TNFAIP8: variants seen among roughly 807,000 people sequenced by gnomAD.
The protein encoded by TNFAIP8 is tumor necrosis factor alpha-induced protein 8.
Under a neutral mutation model 13.3 loss-of-function variants are expected in TNFAIP8, and 7 were observed. That is an observed-to-expected ratio of 0.52 (90% CI 0.30 to 0.99). The LOEUF (loss-of-function observed/expected upper bound fraction) is 0.99. Ranked by LOEUF, TNFAIP8 falls within the 50% of genes least tolerant of loss-of-function variation. The probability of loss-of-function intolerance (pLI) is 0.07; values close to 1 mark genes in which losing one functional copy is unlikely to be tolerated. For synonymous variants in TNFAIP8, 94 were observed against 87.6 expected, an observed-to-expected ratio of 1.07 and a Z score of -0.41; for missense variants, 258 against 236.9, an observed-to-expected ratio of 1.09 and a Z score of -0.58.
At chr5:119,350,080 T>C (rs905039699) in intron 1 of TNFAIP8, among the ~76,000 whole-genome samples, 3 of 152,226 alleles carry the variant, frequency 2.0e-5, no homozygotes, top group Non-Finnish European at 2.9e-5. Flanking sequence ...AGGGGGCTAA[T>C]TTGGGAGTCT....
At chr5:119,284,963 T>G (rs1432808136) in intron 1 of TNFAIP8, among the ~76,000 whole-genome samples, 2 of 152,168 alleles carry the variant, frequency 1.3e-5, no homozygotes, top group Non-Finnish European at 2.9e-5. Context: ...AAAAATAACG[T>G]TTTTGAATTT....
intron 1 of TNFAIP8, among the ~76,000 whole-genome samples, chr5:119,286,800 T>C (rs1748812784): frequency 6.6e-6 from 1 of 152,172 alleles, no homozygotes; most frequent in Admixed American, 6.5e-5. Flanking sequence ...TGTATGCAAC[T>C]TCCTCTAGCC....
intron 1 of TNFAIP8, among the ~76,000 whole-genome samples, chr5:119,299,437 C>T (rs1283223786): frequency 1.3e-5 from 2 of 152,118 alleles, no homozygotes; most frequent in South Asian, 2.1e-4. Context: ...TCGTGAACCG[C>T]GAATGCTGCT....
chr5:119,392,757 G>T (rs982861738), intron 1 of TNFAIP8, 59 bp from the exon 2 acceptor site: 3 of 1,461,788 alleles, frequency 2.1e-6, no homozygotes, highest in Admixed American at 2.7e-5. Context: ...TTTTTAGTTC[G>T]CTTCACTTGC....
At chr5:119,312,871 G>A (rs972524581) in intron 1 of TNFAIP8, among the ~76,000 whole-genome samples, 1 of 151,974 alleles carries the variant, frequency 6.6e-6, no homozygotes, top group African/African-American at 2.4e-5. Flanking sequence ...AGGCAAATGT[G>A]GTAATTAAAA....
At chr5:119,315,486 A>G (rs1749865696) in intron 1 of TNFAIP8, among the ~76,000 whole-genome samples, 1 of 152,228 alleles carries the variant, frequency 6.6e-6, no homozygotes, top group Admixed American at 6.5e-5. Context: ...AAAAAACAAC[A>G]GACAATGTGT....
intron 1 of TNFAIP8, among the ~76,000 whole-genome samples, chr5:119,299,111 A>C (rs1277038378): frequency 6.6e-6 from 1 of 152,210 alleles, no homozygotes; most frequent in African/African-American, 2.4e-5. Context: ...TCAACTCATC[A>C]AAGTCATTCT....
chr5:119,326,566 G>A (rs1273357619), intron 1 of TNFAIP8, among the ~76,000 whole-genome samples: 1 of 152,220 alleles, frequency 6.6e-6, no homozygotes, highest in African/African-American at 2.4e-5. Flanking sequence ...CTCCTCATCA[G>A]AGGGTAACAT....
intron 1 of TNFAIP8, among the ~76,000 whole-genome samples, chr5:119,317,148 A>G (rs1188574804): frequency 6.6e-6 from 1 of 152,216 alleles, no homozygotes; most frequent in Non-Finnish European, 1.5e-5. Context: ...GTCTGCCATC[A>G]TGGAGGCCTG....
intron 1 of TNFAIP8, among the ~76,000 whole-genome samples, chr5:119,271,033 A>G (rs1748278458): frequency 6.6e-6 from 1 of 152,168 alleles, no homozygotes; most frequent in Admixed American, 6.5e-5. Context: ...ATTTCAGACT[A>G]TATTGCTAGA....
intron 1 of TNFAIP8, chr5:119,391,236 C>G: frequency 1.8e-6 from 1 of 545,302 alleles, no homozygotes; most frequent in Admixed American, 2.9e-5. Flanking sequence ...TTTTTGCTTC[C>G]TAATGATGCT....
intron 1 of TNFAIP8, among the ~76,000 whole-genome samples, chr5:119,274,245 C>G (rs550051960): frequency 6.6e-6 from 1 of 152,190 alleles, no homozygotes; most frequent in African/African-American, 2.4e-5. Context: ...GGCAACAGTG[C>G]AAGTTTCAGA....
At chr5:119,283,532 C>A (rs1421030900) in intron 1 of TNFAIP8, among the ~76,000 whole-genome samples, 1 of 152,156 alleles carries the variant, frequency 6.6e-6, no homozygotes, top group Non-Finnish European at 1.5e-5. Flanking sequence ...TAGGTGATCT[C>A]TTATTGCAGG....
At chr5:119,309,602 G>C (rs1201724696) in intron 1 of TNFAIP8, among the ~76,000 whole-genome samples, 1 of 152,156 alleles carries the variant, frequency 6.6e-6, no homozygotes, top group Non-Finnish European at 1.5e-5. Context: ...AGAAGAGCAG[G>C]GTGGGTAGTT....
intron 1 of TNFAIP8, among the ~76,000 whole-genome samples, chr5:119,349,382 T>C (rs1751035774): frequency 6.6e-6 from 1 of 152,252 alleles, no homozygotes; most frequent in African/African-American, 2.4e-5. Flanking sequence ...GTTAAATAAG[T>C]GACTTCATTC....
At chr5:119,295,618 T>C (rs1008657586) in intron 1 of TNFAIP8, among the ~76,000 whole-genome samples, 8 of 152,122 alleles carry the variant, frequency 5.3e-5, no homozygotes, top group South Asian at 2.1e-4. Context: ...TGCGGGCTCT[T>C]TTTTGGTTCC....
chr5:119,320,778 A>G (rs1750030504), intron 1 of TNFAIP8, among the ~76,000 whole-genome samples: 2 of 141,688 alleles, frequency 1.4e-5, no homozygotes, highest in African/African-American at 5.4e-5. Context: ...TTTTTCTCCT[A>G]CCTGAATAAC....
chr5:119,296,689 T>C lies in TNFAIP8; in HGVS notation c.1+27782T>C, dbSNP rs1278205426. 2.0e-5 allele frequency among the ~76,000 whole-genome samples: 3 copies of C among 152,218 alleles called. No individual in the cohort carries two copies. The East Asian group carries it at 5.8e-4, about 29-fold the overall frequency. On this transcript the variant is annotated intron_variant, in intron 1 of 1. Transcript: ENST00000274456. The stretch of plus-strand genomic sequence containing the variant: ...TCTTTTTCTATTGATTGGAATAGCT[T>C]CAGAAGGAATGGTACCAGTTCCTCC...
At chr5:119,389,353 A>G (rs1752804982) in intron 1 of TNFAIP8, among the ~76,000 whole-genome samples, 1 of 152,176 alleles carries the variant, frequency 6.6e-6, no homozygotes, top group Admixed American at 6.6e-5. Flanking sequence ...AGTTATGGCT[A>G]TGGGAGTCAT....
Sources: gnomAD v4.1 joint callset for allele counts (sites outside exome capture counted in the v4.1 genomes callset) on GRCh38, gnomAD v4.1.1 for gene constraint, MANE v1.5 for transcripts, NCBI Gene and HGNC (gene_info 2026-07-23, HGNC 2026-07-21) for gene names.